The following CHD6 variants were observed in gnomAD, a reference collection of about 807,000 sequenced individuals.
The protein encoded by CHD6 is ATP-dependent chromatin remodeler CHD6.
In CHD6, 50 loss-of-function variants were observed where a neutral mutation model predicts 276.9. That is an observed-to-expected ratio of 0.18 (90% CI 0.14 to 0.23). CHD6 has a LOEUF of 0.23. CHD6 is among the 10% of genes least tolerant of loss of function. The pLI is 1.00. For synonymous variants in CHD6, 1,173 were observed against 1,229.3 expected (o/e 0.95, Z 0.96); for missense variants, 2,564 against 3,365.8 (o/e 0.76, Z 5.89).
chr20:41,528,738 C>A (rs915792678), intron 3 of CHD6, among the ~76,000 whole-genome samples: 2 of 152,228 alleles, frequency 1.3e-5, no homozygotes, highest in Non-Finnish European at 2.9e-5. Context: ...GAATTTTAGG[C>A]TTTTATCTCT....
At chr20:41,590,650 C>T (rs1290431596) in intron 1 of CHD6, among the ~76,000 whole-genome samples, 9 of 152,128 alleles carry the variant, frequency 5.9e-5, no homozygotes, top group African/African-American at 1.7e-4. Context: ...CAAATCAAAA[C>T]CACAATGAGA....
In CHD6 at chr20:41,430,511, T is replaced by C. The variant is rs138656284; in HGVS notation, c.4069-4358A>G. On this transcript the variant is annotated intron_variant, in intron 27 of 36. Coordinates refer to ENST00000373233, the MANE Select transcript of CHD6 (RefSeq NM_032221.5). ...AAACCCACACCTGAATTACTCTCTA[T>C]TGTCTGGACTACGAAAAGAATACTT... Among the ~76,000 whole-genome samples the C allele has an allele frequency of 2.8e-3, 428 of 152,312 alleles. 2 individuals carry two copies. The highest frequency in any genetic ancestry group is 9.6e-3 in the African/African-American group (400 of 41,576).
At chr20:41,423,860 G>A (rs1279247057) in intron 29 of CHD6, among the ~76,000 whole-genome samples, 160 bp from the exon 30 acceptor site, 1 of 152,140 alleles carries the variant, frequency 6.6e-6, no homozygotes, top group East Asian at 1.9e-4. Context: ...CTGGGCTGAA[G>A]GGCTTATAAT....
chr20:41,595,941 C>A (rs112152688), intron 1 of CHD6, among the ~76,000 whole-genome samples: 11,534 of 152,012 alleles, frequency 0.076, 848 homozygotes, highest in East Asian at 0.32. Context: ...TCCTCTACCC[C>A]CTAAAAGCTA....
intron 27 of CHD6, among the ~76,000 whole-genome samples, chr20:41,428,328 G>A (rs748494901): frequency 6.6e-6 from 1 of 152,224 alleles, no homozygotes; most frequent in Admixed American, 6.5e-5. Context: ...TTTAATGTGA[G>A]TGTGTGTGAG....
At chr20:41,426,348 A>G (rs2047364166) in intron 27 of CHD6, among the ~76,000 whole-genome samples, 195 bp from the exon 28 acceptor site, 1 of 152,152 alleles carries the variant, frequency 6.6e-6, no homozygotes, top group Non-Finnish European at 1.5e-5. Flanking sequence ...TTTATTTAAA[A>G]TAAGTTTTTT....
chr20:41,604,688 G>C (rs2045809348), intron 1 of CHD6, among the ~76,000 whole-genome samples: 1 of 152,162 alleles, frequency 6.6e-6, no homozygotes, highest in Admixed American at 6.5e-5. Flanking sequence ...TTCCACTTTA[G>C]AACTCTGCCA....
intron 1 of CHD6, among the ~76,000 whole-genome samples, chr20:41,614,408 A>G (rs1368169471): frequency 6.6e-6 from 1 of 152,206 alleles, no homozygotes; most frequent in African/African-American, 2.4e-5. Context: ...CATTATGACT[A>G]TAAAGAAAAA....
chr20:41,591,653 A>T (rs558366962), intron 1 of CHD6, among the ~76,000 whole-genome samples: 4 of 152,224 alleles, frequency 2.6e-5, no homozygotes, highest in African/African-American at 9.6e-5. Flanking sequence ...AGATTGCACC[A>T]TTGCACTCCA....
intron 16 of CHD6, among the ~76,000 whole-genome samples, chr20:41,477,556 T>C (rs938458388): frequency 6.6e-6 from 1 of 152,196 alleles, no homozygotes; most frequent in African/African-American, 2.4e-5. Context: ...ATTATGAATT[T>C]AACATACACA....
In CHD6 at chr20:41,599,446, C is replaced by G. The variant is rs144893097; in HGVS notation, c.-24+18894G>C. Reference sequence around the variant, plus strand: ...GGACTCATAACCTCAATCTTTACCCCCCTTGCAATTGCTATAGGTGTACTC... The same window carrying G: ...GGACTCATAACCTCAATCTTTACCCGCCTTGCAATTGCTATAGGTGTACTC... On this transcript the variant is annotated intron_variant, in intron 1 of 36. Coordinates refer to ENST00000373233, the MANE Select transcript of CHD6 (RefSeq NM_032221.5). 3.0e-3 allele frequency among the ~76,000 whole-genome samples: 451 copies of G among 152,218 alleles called. 2 individuals are homozygous for G. The highest frequency in any genetic ancestry group is 0.01 in the African/African-American group (421 of 41,534).
chr20:41,409,207 C>A (rs2046770802), intron 36 of CHD6, among the ~76,000 whole-genome samples: 1 of 152,174 alleles, frequency 6.6e-6, no homozygotes, highest in Non-Finnish European at 1.5e-5. Context: ...AGGAGTCACC[C>A]CAGCCACCAG....
chr20:41,597,813 G>C (rs2045733860), intron 1 of CHD6, among the ~76,000 whole-genome samples: 1 of 151,560 alleles, frequency 6.6e-6, no homozygotes. Flanking sequence ...CATTACTTTT[G>C]ATGCTTGTCT....
In CHD6 at chr20:41,403,048, C is replaced by G. The variant is rs1193246456; in HGVS notation, c.*1545G>C. 4.6e-6 allele frequency: 1 copy of G among 215,604 alleles called. No homozygotes were observed. Among genetic ancestry groups the G allele is most frequent in the East Asian group, 7.2e-5 (1 of 13,930 alleles). The allele number at this position is 215,604 out of a possible 1,614,324, so 13.4% of individuals were successfully genotyped here. ...TTTGAGATGCTCATTTTAACATTTA[C>G]ATAATTTATAATCCCAAATGTATAA... On this transcript the variant is annotated 3_prime_UTR_variant, in exon 37 of 37. Coordinates refer to ENST00000373233, the MANE Select transcript of CHD6 (RefSeq NM_032221.5).
At position 41,526,670 on chromosome 20, in the gene CHD6, A is replaced by G. The variant is rs544875210; in HGVS notation, c.554+6380T>C. Among the ~76,000 whole-genome samples, 3 of 152,236 alleles carry G rather than the reference A, an allele frequency of 2.0e-5. No homozygotes were observed. The South Asian group carries it at 6.2e-4, about 32-fold the overall frequency. On this transcript the variant is annotated intron_variant, in intron 3 of 36. Transcript: ENST00000373233. ...AAAATCTGCTCTGGGCTGACAAACC[A>G]AACAAATGGGGATGAAAAACTGAAA...
At chr20:41,515,076 C>A in intron 3 of CHD6, 124 bp from the exon 4 acceptor site, 2 of 928,378 alleles carry the variant, frequency 2.2e-6, no homozygotes, top group Non-Finnish European at 3.3e-6. Flanking sequence ...AATGGGGAAT[C>A]TACAAGAGTT....
chr20:41,402,529 A>G lies in CHD6; in HGVS notation c.*2064T>C, dbSNP rs2046563074. The G allele has an allele frequency of 8.7e-6, 2 of 230,828 alleles. No homozygotes were observed. The allele number at this position is 230,828 out of a possible 1,614,324, so 14.3% of individuals were successfully genotyped here. On this transcript the variant is annotated 3_prime_UTR_variant, in exon 37 of 37. Coordinates refer to ENST00000373233, the MANE Select transcript of CHD6 (RefSeq NM_032221.5). Reference sequence around the variant, plus strand: ...TACAAAACAACAACAACACAACGACAACAAAGAAAACCAGACTCTGCTGGA... The same window carrying G: ...TACAAAACAACAACAACACAACGACGACAAAGAAAACCAGACTCTGCTGGA...
At position 41,412,148 on chromosome 20, in the gene CHD6, A is replaced by C; in HGVS notation, c.7247T>G (p.Leu2416Arg). Residue 2416 changes from leucine to arginine, a missense_variant, in exon 36 of 37, where the codon CTG becomes CGG. Leu to Arg is a moderately radical substitution (Grantham distance 102). Coordinates refer to ENST00000373233, the MANE Select transcript of CHD6 (RefSeq NM_032221.5). Reference sequence around the variant, plus strand: ...TCACGTGGCCTTCTTCCTTACCCTCAGTCCTGGCTCCTTGGGGATGGCAGG... The same window carrying C: ...TCACGTGGCCTTCTTCCTTACCCTCCGTCCTGGCTCCTTGGGGATGGCAGG... Reference protein sequence around the residue: ...RVPAIPKEPGLRGFLPENKFN... With the variant: ...RVPAIPKEPGRRGFLPENKFN... 1 of 1,614,124 alleles carries C rather than the reference A, an allele frequency of 6.2e-7. No individual in the cohort carries two copies. The highest frequency in any genetic ancestry group is 8.5e-7 in the Non-Finnish European group (1 of 1,179,990).
At chr20:41,611,703 T>C (rs2146308021) in intron 1 of CHD6, among the ~76,000 whole-genome samples, 2 of 152,140 alleles carry the variant, frequency 1.3e-5, no homozygotes, top group East Asian at 3.9e-4. Context: ...GTTCACTGGA[T>C]CTCAGTTCAC....
Sources: allele counts gnomAD v4.1 joint callset (sites outside exome capture counted in the v4.1 genomes callset), GRCh38; gene constraint gnomAD v4.1.1; transcripts MANE v1.5; gene names NCBI Gene and HGNC (gene_info 2026-07-23, HGNC 2026-07-21).